Variants in MTG2 observed in about 807,000 individuals in gnomAD.
MTG2 encodes mitochondrial ribosome associated GTPase 2.
MTG2 carries 23 observed loss-of-function variants against 28.6 expected under a neutral mutation model. The observed-to-expected ratio is 0.80, with a 90% confidence interval of 0.58 to 1.14. MTG2 has a LOEUF of 1.14. MTG2 is among the 50% of genes most tolerant of loss of function. The probability of loss-of-function intolerance (pLI) is 0.00; values close to 1 mark genes in which losing one functional copy is unlikely to be tolerated. For missense variants in MTG2, 539 were observed against 552.0 expected (o/e 0.98, Z 0.24); for synonymous variants, 260 against 251.8 (o/e 1.03, Z -0.31).
chr20:62,197,026 C>G (rs139317757), intron 3 of MTG2, among the ~76,000 whole-genome samples: 1 of 151,824 alleles, frequency 6.6e-6, no homozygotes, highest in East Asian at 1.9e-4. Context: ...GAGTGAAACT[C>G]CGTCTCAAAA....
intron 3 of MTG2, 113 bp downstream of exon 3, chr20:62,196,062 C>T: frequency 7.4e-7 from 1 of 1,347,192 alleles, no homozygotes; most frequent in Non-Finnish European, 1.0e-6. Flanking sequence ...CCTGTGATCC[C>T]AGCACTTGGA....
chr20:62,188,401 A>G (rs917592133), intron 1 of MTG2, among the ~76,000 whole-genome samples: 1 of 151,704 alleles, frequency 6.6e-6, no homozygotes, highest in Non-Finnish European at 1.5e-5. Context: ...GTGTGTGATC[A>G]TGGTTCACTG....
At chr20:62,195,543 A>G (rs2058042838) in intron 2 of MTG2, among the ~76,000 whole-genome samples, 1 of 152,222 alleles carries the variant, frequency 6.6e-6, no homozygotes, top group South Asian at 2.1e-4. Context: ...AGAGTAAGAA[A>G]TGCTGAATTT....
At position 62,199,248 on chromosome 20, in the gene MTG2, C is replaced by T; in HGVS notation, c.817C>T (p.Gln273Ter). 2 of 1,611,334 alleles carry T rather than the reference C, an allele frequency of 1.2e-6. No individual in the cohort carries two copies. Among genetic ancestry groups the T allele is most frequent in the Non-Finnish European group, 1.7e-6 (2 of 1,177,676 alleles). ...VGIVHYEGHL[Q>*]IAVADIPGII... ...GATCGTCCACTACGAAGGCCACCTA[C>T]AAATAGCAGGTAGAACTTCCAGAAT... Residue 273 changes from glutamine to a stop codon, truncating the protein, a stop_gained, in exon 6 of 7, where the codon CAA (glutamine) becomes TAA (stop). Transcript: ENST00000370823. LOFTEE classifies it low-confidence loss of function (END_TRUNC).
intron 2 of MTG2, among the ~76,000 whole-genome samples, chr20:62,195,006 C>G (rs551834373): frequency 1.3e-4 from 20 of 152,270 alleles, no homozygotes; most frequent in African/African-American, 3.1e-4. Flanking sequence ...ACCATCCTGG[C>G]CAACACGGTG....
chr20:62,196,727 T>A (rs1032071003), intron 3 of MTG2, among the ~76,000 whole-genome samples: 4 of 151,306 alleles, frequency 2.6e-5, no homozygotes, highest in Admixed American at 2.0e-4. Flanking sequence ...ATATCATTTT[T>A]ATAAATTATA....
At chr20:62,187,279 T>G (rs996179281) in intron 1 of MTG2, among the ~76,000 whole-genome samples, 2 of 152,238 alleles carry the variant, frequency 1.3e-5, no homozygotes, top group African/African-American at 4.8e-5. Context: ...GTTATTTGCA[T>G]CTATATTCAT....
intron 6 of MTG2, among the ~76,000 whole-genome samples, chr20:62,199,460 A>G (rs946442100): frequency 7.9e-5 from 12 of 151,956 alleles, no homozygotes; most frequent in Admixed American, 6.6e-5. Context: ...CCTGGCTAAC[A>G]TGGTGAAACC....
chr20:62,184,665 A>G lies in MTG2; in HGVS notation c.-6+1608A>G, dbSNP rs571751956. On this transcript the variant is annotated intron_variant, in intron 1 of 6. Coordinates refer to ENST00000370823, the MANE Select transcript of MTG2 (RefSeq NM_015666.4). ...TGCCTCCAGTCTCTGGTAGAGGGCC[A>G]GGTCCCAGTAGGTTTTCCTATGGGG... is the stretch of plus-strand genomic sequence containing the variant. 4.6e-5 allele frequency among the ~76,000 whole-genome samples: 7 copies of G among 152,328 alleles called. No individual in the cohort carries two copies. In the South Asian group the frequency reaches 8.3e-4, roughly 18 times the overall value.
chr20:62,198,784 A>G lies in MTG2; in HGVS notation c.619A>G (p.Thr207Ala), dbSNP rs762599486. The G allele has an allele frequency of 6.2e-7, 1 of 1,614,110 alleles. No individual in the cohort carries two copies. ...CAACAACCGTGCCCCTGTGACCTGTACCCCTGGACAGCCAGGACAGCAGCG... is the reference window on the plus strand; with the variant it reads ...CAACAACCGTGCCCCTGTGACCTGTGCCCCTGGACAGCCAGGACAGCAGCG... ...ANNNRAPVTC[T>A]PGQPGQQRVL... The change falls in exon 5 of 7, where the codon ACC (threonine) becomes GCC (alanine). Residue 207 changes from threonine (T) to alanine (A), a missense_variant. By Grantham distance (58) the Thr-to-Ala change is moderately conservative. Transcript: ENST00000370823.
intron 2 of MTG2, 93 bp downstream of exon 2, chr20:62,193,717 GA>G (rs2058006239): frequency 1.7e-6 from 2 of 1,162,022 alleles, no homozygotes; most frequent in African/African-American, 3.1e-5. Context: ...CATCTCTGTT[GA>G]TGTTAGTTGA....
At chr20:62,196,556 C>T (rs1276230249) in intron 3 of MTG2, among the ~76,000 whole-genome samples, 1 of 150,892 alleles carries the variant, frequency 6.6e-6, no homozygotes, top group Admixed American at 6.6e-5. Flanking sequence ...CTGATAGTCC[C>T]AGCTACTTGG....
chr20:62,196,004 T>A, intron 3 of MTG2, 55 bp downstream of exon 3: 1 of 1,595,082 alleles, frequency 6.3e-7, no homozygotes, highest in Non-Finnish European at 8.5e-7. Flanking sequence ...AGACTGCATG[T>A]GCATTTGAAC....
intron 3 of MTG2, chr20:62,197,650 T>G: frequency 3.6e-6 from 2 of 558,918 alleles, no homozygotes; most frequent in South Asian, 2.2e-5. Context: ...ATTTAAAAAT[T>G]TTCAGAAATG....
rs182829535 is a variant in MTG2 at position 62,196,073 on chromosome 20, G to A, written c.352+124G>A. ...TATGCCTGTGATCCCAGCACTTGGA[G>A]AGGCTGAGGCAGGAGGATCACTTGA... On this transcript the variant is annotated intron_variant, in intron 3 of 6. Coordinates refer to ENST00000370823, the MANE Select transcript of MTG2 (RefSeq NM_015666.4). 16 of 1,192,064 alleles carry A rather than the reference G, an allele frequency of 1.3e-5. No individual in the cohort carries two copies. The Admixed American group carries it at 2.5e-4, about 19-fold the overall frequency. The allele number at this position is 1,192,064 out of a possible 1,614,324, so 73.8% of individuals were successfully genotyped here. A position where few individuals can be genotyped will look rare whatever the true frequency, so the allele number is the denominator to read the frequency against.
In MTG2 at chr20:62,193,355, G is replaced by T. The variant is rs1469643045; in HGVS notation, c.-5-61G>T. 5 of 1,530,786 alleles carry T rather than the reference G, an allele frequency of 3.3e-6. No individual in the cohort carries two copies. The East Asian group carries it at 1.1e-4, about 35-fold the overall frequency. 94.8% of individuals were successfully genotyped at this position (1,530,786 alleles called of 1,614,324 possible). A position where few individuals can be genotyped will look rare whatever the true frequency, so the allele number is the denominator to read the frequency against. Reference sequence around the variant, plus strand: ...CTGCTGCATGAGGCCCTCGTCTTCAGTTTCTGTTTCATGCCCAGCATTAAA... The same window carrying T: ...CTGCTGCATGAGGCCCTCGTCTTCATTTTCTGTTTCATGCCCAGCATTAAA... On this transcript the variant is annotated intron_variant, in intron 1 of 6. Transcript: ENST00000370823.
rs1355284107 is a variant in MTG2 at position 62,201,602 on chromosome 20, CGGG to C, written c.*529_*531del. The C allele has an allele frequency of 6.5e-6, 1 of 153,074 alleles. No homozygotes were observed. The highest frequency in any genetic ancestry group is 2.4e-5 in the African/African-American group (1 of 41,438). 9.5% of individuals were successfully genotyped at this position (153,074 alleles called of 1,614,324 possible). On this transcript the variant is annotated 3_prime_UTR_variant, in exon 7 of 7. Transcript: ENST00000370823. ...ACCGCAAGCCCAGGCACCAGTGTCTCGGGGGGCCTCACTGCTGCGCAAGGGGTG... is the reference window on the plus strand; with the variant it reads ...ACCGCAAGCCCAGGCACCAGTGTCTCGGGCCTCACTGCTGCGCAAGGGGTG...
Position 62,202,744 on chromosome 20 carries a change from C to T in MTG2, c.*1667C>T, listed in dbSNP as rs993246049. ...CTCCAGCCTGAGCGACAGAGCAAGA[C>T]TCCATCTCAAAAAAAAAAAAAAAGT... On this transcript the variant is annotated 3_prime_UTR_variant, in exon 7 of 7. Coordinates refer to ENST00000370823, the MANE Select transcript of MTG2 (RefSeq NM_015666.4). The T allele has an allele frequency of 2.0e-5, 3 of 150,372 alleles. No homozygotes were observed. 9.3% of individuals were successfully genotyped at this position (150,372 alleles called of 1,614,324 possible). A position where few individuals can be genotyped will look rare whatever the true frequency, so the allele number is the denominator to read the frequency against.
intron 3 of MTG2, 138 bp from the exon 4 acceptor site, chr20:62,197,714 G>C: frequency 1.6e-6 from 1 of 607,638 alleles, no homozygotes; most frequent in Non-Finnish European, 2.9e-6. Flanking sequence ...TCACTTTGCT[G>C]GTTTTGTAAC....
Sources: allele counts gnomAD v4.1 joint callset (sites outside exome capture counted in the v4.1 genomes callset), GRCh38; gene constraint gnomAD v4.1.1; transcripts MANE v1.5; gene names NCBI Gene and HGNC (gene_info 2026-07-23, HGNC 2026-07-21).